The following ARHGAP32 variants were observed in gnomAD, a reference collection of about 807,000 sequenced individuals.
ARHGAP32 encodes rho GTPase-activating protein 32.
In ARHGAP32, 51 loss-of-function variants were observed where a neutral mutation model predicts 186.5. That is an observed-to-expected ratio of 0.27 (90% CI 0.22 to 0.35). The LOEUF is 0.35. Among genes scored for constraint, ARHGAP32 ranks in the 10% least tolerant of loss-of-function variants. ARHGAP32 has a pLI of 1.00. For missense variants in ARHGAP32, 2,186 were observed against 2,623.5 expected, an observed-to-expected ratio of 0.83 and a Z score of 3.64; for synonymous variants, 950 against 964.3, an observed-to-expected ratio of 0.99 and a Z score of 0.27.
chr11:129,149,491 C>T (rs2135448853), intron 2 of ARHGAP32, among the ~76,000 whole-genome samples: 1 of 152,298 alleles, frequency 6.6e-6, no homozygotes, highest in African/African-American at 2.4e-5. Flanking sequence ...AGCACCAGCG[C>T]AGAGCCTGGT....
chr11:129,098,867 T>C (rs1044599530), intron 5 of ARHGAP32, among the ~76,000 whole-genome samples: 2 of 152,208 alleles, frequency 1.3e-5, no homozygotes, highest in Non-Finnish European at 2.9e-5. Flanking sequence ...AGTTTTTCTA[T>C]GTTAATAAAT....
At position 128,973,157 on chromosome 11, in the gene ARHGAP32, G is replaced by C; in HGVS notation, c.3349C>G (p.Pro1117Ala). Residue 1117 changes from proline (P) to alanine (A), a missense_variant, in exon 22 of 23, where the codon CCA becomes GCA. By Grantham distance (27) the Pro-to-Ala change is conservative. This residue lies in a region of ARHGAP32 where 1,502 missense variants were observed against 1,570.0 expected (regional missense o/e 0.96). Transcript: ENST00000682385. ...LDKAYFQTDR[P>A]AEQFHLQNNA... ...TTCTGGAGGTGGAACTGCTCTGCTG[G>C]TCGATCGGTTTGGAAATAGGCCTTA... The C allele has an allele frequency of 6.2e-7, 1 of 1,614,162 alleles. No homozygotes were observed. The highest frequency in any genetic ancestry group is 2.2e-5 in the East Asian group (1 of 44,872).
intron 1 of ARHGAP32, among the ~76,000 whole-genome samples, chr11:129,183,994 G>C (rs1265526529): frequency 2.0e-5 from 3 of 152,110 alleles, no homozygotes; most frequent in Admixed American, 6.6e-5. Flanking sequence ...CAGAAGGCCA[G>C]AGATCAGACT....
At chr11:129,261,896 G>T (rs1036687235) in intron 1 of ARHGAP32, among the ~76,000 whole-genome samples, 4 of 152,080 alleles carry the variant, frequency 2.6e-5, no homozygotes, top group Admixed American at 2.6e-4. Context: ...TCCCTTTGTT[G>T]CTGTAACAAG....
chr11:129,068,538 C>G (rs1383498910), intron 6 of ARHGAP32, among the ~76,000 whole-genome samples: 2 of 152,046 alleles, frequency 1.3e-5, no homozygotes, highest in Non-Finnish European at 2.9e-5. Flanking sequence ...ATATGAGTTC[C>G]CACTGCCCCC....
chr11:128,988,724 T>C (rs1159723559), intron 12 of ARHGAP32, among the ~76,000 whole-genome samples: 1 of 152,338 alleles, frequency 6.6e-6, no homozygotes, highest in South Asian at 2.1e-4. Flanking sequence ...CTGGCCATAT[T>C]TACATTAACT....
intron 12 of ARHGAP32, 35 bp from the exon 13 acceptor site, chr11:128,988,160 T>C: frequency 1.3e-6 from 2 of 1,497,104 alleles, no homozygotes; most frequent in Non-Finnish European, 1.8e-6. Flanking sequence ...GATGAAATTG[T>C]AGTATTCACT....
chr11:129,021,402 C>T (rs1467897963), intron 11 of ARHGAP32, among the ~76,000 whole-genome samples: 1 of 152,034 alleles, frequency 6.6e-6, no homozygotes, highest in Non-Finnish European at 1.5e-5. Context: ...TTGAATAAAA[C>T]TGTATCTCTT....
At chr11:129,120,877 G>A (rs1942511172) in intron 5 of ARHGAP32, among the ~76,000 whole-genome samples, 1 of 152,078 alleles carries the variant, frequency 6.6e-6, no homozygotes, top group Non-Finnish European at 1.5e-5. Context: ...TTGGCCAATT[G>A]ACAGTATGAA....
At chr11:129,262,571 G>C (rs1015389720) in intron 1 of ARHGAP32, among the ~76,000 whole-genome samples, 2 of 151,714 alleles carry the variant, frequency 1.3e-5, no homozygotes, top group African/African-American at 4.8e-5. Context: ...TTTTTTAGTA[G>C]ACAGGGTTTC....
Position 128,980,625 on chromosome 11 carries a change from T to C in ARHGAP32, c.1904A>G (p.Tyr635Cys). The C allele has an allele frequency of 6.2e-7, 1 of 1,614,046 alleles. No individual in the cohort carries two copies. The highest frequency in any genetic ancestry group is 8.5e-7 in the Non-Finnish European group (1 of 1,179,946). ...VNSPIVTENK[Y>C]IEVGEGPAAL... ...AGCAGGTCCTTCTCCTACTTCGATATATTTATTTTCCGTCACAATTGGAGA... is the reference window on the plus strand; with the variant it reads ...AGCAGGTCCTTCTCCTACTTCGATACATTTATTTTCCGTCACAATTGGAGA... The change falls in exon 18 of 23, where the codon TAT becomes TGT. Residue 635 changes from tyrosine to cysteine, a missense_variant. Physicochemically the swap from Tyr to Cys is radical, Grantham distance 194. Coordinates refer to ENST00000682385, the MANE Select transcript of ARHGAP32 (RefSeq NM_001378024.1).
In ARHGAP32 at chr11:129,040,083, G is replaced by A. The variant is rs1939529059; in HGVS notation, c.1045+845C>T. Among the ~76,000 whole-genome samples the A allele has an allele frequency of 2.0e-5, 3 of 151,872 alleles. No individual in the cohort carries two copies. In the South Asian group the frequency reaches 6.2e-4, roughly 32 times the overall value. ...AAAGATTGTTGGATGTAAGCTTTGG[G>A]AGCAGAAGTGGGAAAATACCAAAAG... On this transcript the variant is annotated intron_variant, in intron 11 of 22. Transcript: ENST00000682385.
chr11:129,114,914 A>G (rs1467226356), intron 5 of ARHGAP32, among the ~76,000 whole-genome samples: 1 of 152,148 alleles, frequency 6.6e-6, no homozygotes, highest in African/African-American at 2.4e-5. Flanking sequence ...TTCTTTCTCC[A>G]TATGGAGAAT....
intron 11 of ARHGAP32, among the ~76,000 whole-genome samples, chr11:129,017,051 AG>A: frequency 6.6e-6 from 1 of 152,368 alleles, no homozygotes; most frequent in East Asian, 1.9e-4. Flanking sequence ...ATGGTTGCAA[AG>A]GGTAGACTCA....
At chr11:129,261,073 GA>G (rs34119852) in intron 1 of ARHGAP32, among the ~76,000 whole-genome samples, 2 of 146,060 alleles carry the variant, frequency 1.4e-5, no homozygotes, top group Non-Finnish European at 1.5e-5. Context: ...ACACTCCTCA[GA>G]AAAAAAAATG....
intron 2 of ARHGAP32, among the ~76,000 whole-genome samples, chr11:129,128,242 T>C (rs544474167): frequency 7.9e-5 from 12 of 152,330 alleles, no homozygotes; most frequent in Admixed American, 2.0e-4. Context: ...ATTATATTTT[T>C]ATTCATCTTT....
chr11:129,113,487 A>G (rs1048187399), intron 5 of ARHGAP32, among the ~76,000 whole-genome samples: 4 of 152,026 alleles, frequency 2.6e-5, no homozygotes, highest in Non-Finnish European at 4.4e-5. Flanking sequence ...ATATTTGTGT[A>G]TTTTATGGTA....
chr11:129,186,731 G>A (rs1042701504), intron 1 of ARHGAP32, among the ~76,000 whole-genome samples: 4 of 152,048 alleles, frequency 2.6e-5, no homozygotes, highest in Non-Finnish European at 4.4e-5. Context: ...CTCAAAAGAC[G>A]GCAACAAATG....
At position 128,966,794 on chromosome 11, in the gene ARHGAP32, T is replaced by C. The variant is rs1287061601; in HGVS notation, c.*2113A>G. 6.6e-6 allele frequency: 1 copy of C among 152,172 alleles called. No individual in the cohort carries two copies. The highest frequency in any genetic ancestry group is 1.5e-5 in the Non-Finnish European group (1 of 68,034). The allele number at this position is 152,172 out of a possible 1,614,324, so 9.4% of individuals were successfully genotyped here. On this transcript the variant is annotated 3_prime_UTR_variant, in exon 23 of 23. Transcript: ENST00000682385. ...CCCCTCTTCCTAATCTCCATGCTGC[T>C]GGTGAGAACTTACAGGGCTGGTGTG...
Sources: allele counts gnomAD v4.1 joint callset (sites outside exome capture counted in the v4.1 genomes callset), GRCh38; gene constraint gnomAD v4.1.1; regional missense constraint gnomAD v4.1.1; transcripts MANE v1.5; gene names NCBI Gene and HGNC (gene_info 2026-07-23, HGNC 2026-07-21).